Variants in NHLRC2 observed in about 807,000 individuals in gnomAD.
NHLRC2 encodes NHL repeat-containing protein 2.
Under a neutral mutation model 68.1 loss-of-function variants are expected in NHLRC2, and 33 were observed. That is an observed-to-expected ratio of 0.48 (90% CI 0.37 to 0.65). The LOEUF (loss-of-function observed/expected upper bound fraction) is 0.65. Ranked by LOEUF, NHLRC2 falls within the 30% of genes least tolerant of loss-of-function variation. The pLI is 0.00. For synonymous variants in NHLRC2, 311 were observed against 309.6 expected, an observed-to-expected ratio of 1.00 and a Z score of -0.05; for missense variants, 761 against 853.8, an observed-to-expected ratio of 0.89 and a Z score of 1.35.
intron 1 of NHLRC2, among the ~76,000 whole-genome samples, chr10:113,857,185 C>G (rs915321644): frequency 1.3e-5 from 2 of 152,098 alleles, no homozygotes; most frequent in African/African-American, 2.4e-5. Flanking sequence ...TGGTAAGTAT[C>G]TAGCACGGTG....
chr10:113,868,539 A>G (rs912683546), intron 2 of NHLRC2, among the ~76,000 whole-genome samples: 3 of 152,206 alleles, frequency 2.0e-5, no homozygotes, highest in Non-Finnish European at 4.4e-5. Context: ...GATATGGTTT[A>G]TTATACAGAT....
chr10:113,914,666 A>G lies in NHLRC2; in HGVS notation c.*6130A>G, dbSNP rs1191510860. On this transcript the variant is annotated 3_prime_UTR_variant, in exon 11 of 11. Transcript: ENST00000369301. ...ATCCGTAAGGAAATGTGATAATAAG[A>G]AAGTGATAATAGTGTCATATTTTAA... 1 of 224,044 alleles carries G rather than the reference A, an allele frequency of 4.5e-6. No individual in the cohort carries two copies. The highest frequency in any genetic ancestry group is 2.3e-5 in the African/African-American group (1 of 42,740). 13.9% of individuals were successfully genotyped at this position (224,044 alleles called of 1,614,324 possible).
chr10:113,889,483 T>C (rs938503557), intron 5 of NHLRC2, among the ~76,000 whole-genome samples: 1 of 152,212 alleles, frequency 6.6e-6, no homozygotes, highest in Non-Finnish European at 1.5e-5. Context: ...TTTATTTTGT[T>C]AAAATAAGTT....
Position 113,908,542 on chromosome 10 carries a change from C to T in NHLRC2, c.*6C>T. 6.2e-7 allele frequency: 1 copy of T among 1,613,594 alleles called. No homozygotes were observed. The highest frequency in any genetic ancestry group is 8.5e-7 in the Non-Finnish European group (1 of 1,179,728). On this transcript the variant is annotated 3_prime_UTR_variant, in exon 11 of 11. Transcript: ENST00000369301. Reference sequence around the variant, plus strand: ...AGCTCAGGTATGTATTTTAGCCAGCCAGCTAGCTAGCAACCCATTGCCACC... The same window carrying T: ...AGCTCAGGTATGTATTTTAGCCAGCTAGCTAGCTAGCAACCCATTGCCACC...
rs770046904 is a variant in NHLRC2 at position 113,898,128 on chromosome 10, G to T, written c.1058G>T (p.Gly353Val). The change falls in exon 6 of 11, where the codon GGT (glycine) becomes GTT (valine). Residue 353 changes from glycine (G) to valine (V), a missense_variant. Transcript: ENST00000369301. ...FGTSGSEVQR[G>V]DILWIAMAGT... ...TATAAAGGTTCAGAGGTCCAAAGAG[G>T]TGACATTTTATGGATAGCCATGGCA... The T allele has an allele frequency of 5.6e-6, 9 of 1,610,874 alleles. No homozygotes were observed. The highest frequency in any genetic ancestry group is 7.6e-6 in the Non-Finnish European group (9 of 1,177,284).
At chr10:113,898,274 A>G (rs1846193873) in intron 6 of NHLRC2, 65 bp downstream of exon 6, 1 of 1,046,798 alleles carries the variant, frequency 9.6e-7, no homozygotes, top group South Asian at 1.3e-5. Flanking sequence ...TTCTTTTTTC[A>G]AAATCACCAT....
At chr10:113,906,790 C>G (rs1171929909) in intron 10 of NHLRC2, among the ~76,000 whole-genome samples, 2 of 152,170 alleles carry the variant, frequency 1.3e-5, no homozygotes. Flanking sequence ...GAGATCGAGA[C>G]CATCCTGGCT....
chr10:113,857,292 A>T (rs536775814), intron 1 of NHLRC2, among the ~76,000 whole-genome samples: 1 of 152,256 alleles, frequency 6.6e-6, no homozygotes, highest in East Asian at 1.9e-4. Context: ...ATATTTTGCA[A>T]GTAGGATATG....
rs114548153 is a variant in NHLRC2, at chr10:113,888,212, A to G, written c.1039+3832A>G. On this transcript the variant is annotated intron_variant, in intron 5 of 10. Coordinates refer to ENST00000369301, the MANE Select transcript of NHLRC2 (RefSeq NM_198514.4). ...GTTGATCAAAGGGTACAAAGTTTCA[A>G]TTGGAGGAATAAGTTTTAGAGATAA... Among the ~76,000 whole-genome samples, 843 of 152,340 alleles carry G rather than the reference A, an allele frequency of 5.5e-3. 9 individuals carry two copies. The highest frequency in any genetic ancestry group is 0.019 in the African/African-American group (800 of 41,574).
At chr10:113,885,731 A>G (rs1307718720) in intron 5 of NHLRC2, among the ~76,000 whole-genome samples, 1 of 152,044 alleles carries the variant, frequency 6.6e-6, no homozygotes, top group African/African-American at 2.4e-5. Flanking sequence ...TATGTACAAT[A>G]TAATTTCTTT....
In NHLRC2 at chr10:113,916,410, A is replaced by G. The variant is rs1554904439; in HGVS notation, c.*7874A>G. ...TATGGCAGAACAATTTTGTTGTAGTATTTTTTTCCGTAGCATTTCTTAATA... is the reference window on the plus strand; with the variant it reads ...TATGGCAGAACAATTTTGTTGTAGTGTTTTTTTCCGTAGCATTTCTTAATA... On this transcript the variant is annotated 3_prime_UTR_variant, in exon 11 of 11. Coordinates refer to ENST00000369301, the MANE Select transcript of NHLRC2 (RefSeq NM_198514.4). 6.6e-6 allele frequency: 1 copy of G among 152,140 alleles called. No homozygotes were observed. Among genetic ancestry groups the G allele is most frequent in the Non-Finnish European group, 1.5e-5 (1 of 68,018 alleles). The allele number at this position is 152,140 out of a possible 1,614,324, so 9.4% of individuals were successfully genotyped here.
Position 113,902,612 on chromosome 10 carries a change from A to G in NHLRC2, c.1494+19A>G. The G allele has an allele frequency of 4.4e-6, 7 of 1,593,578 alleles. No individual in the cohort carries two copies. Among genetic ancestry groups the G allele is most frequent in the African/African-American group, 1.4e-5 (1 of 73,644 alleles). On this transcript the variant is annotated intron_variant, in intron 8 of 10. Transcript: ENST00000369301. Reference sequence around the variant, plus strand: ...TCACAAGGTGAGTCGTGACAGAATTATATAATATCTTGCTTTTTGTGTGTG... The same window carrying G: ...TCACAAGGTGAGTCGTGACAGAATTGTATAATATCTTGCTTTTTGTGTGTG...
intron 6 of NHLRC2, among the ~76,000 whole-genome samples, chr10:113,900,510 C>T (rs1384279229): frequency 6.6e-6 from 1 of 152,138 alleles, no homozygotes; most frequent in East Asian, 1.9e-4. Flanking sequence ...CCACACTGAC[C>T]TGTGTTTTAA....
intron 5 of NHLRC2, among the ~76,000 whole-genome samples, chr10:113,885,281 C>A (rs961851039): frequency 4.0e-5 from 6 of 151,858 alleles, no homozygotes; most frequent in Non-Finnish European, 8.9e-5. Flanking sequence ...TCTAGTACTA[C>A]CCGCACTTAA....
intron 1 of NHLRC2, among the ~76,000 whole-genome samples, chr10:113,855,476 G>GTT (rs375201644): frequency 5.4e-5 from 8 of 149,284 alleles, no homozygotes; most frequent in African/African-American, 1.7e-4. Flanking sequence ...GTTTTTTTTT[G>GTT]TTTTTTTTTG....
chr10:113,878,990 C>T (rs1846011360), intron 3 of NHLRC2, among the ~76,000 whole-genome samples: 1 of 152,134 alleles, frequency 6.6e-6, no homozygotes, highest in African/African-American at 2.4e-5. Flanking sequence ...TATTCTCCAC[C>T]CTTGAAACTC....
intron 1 of NHLRC2, among the ~76,000 whole-genome samples, chr10:113,857,785 A>G (rs922689864): frequency 1.3e-5 from 2 of 152,156 alleles, no homozygotes; most frequent in African/African-American, 4.8e-5. Flanking sequence ...ATCTGTGACA[A>G]TAATAAGTGT....
chr10:113,876,663 A>C lies in NHLRC2; in HGVS notation c.474A>C (p.Glu158Asp). Residue 158 changes from glutamate (E) to aspartate (D), a missense_variant, in exon 3 of 11, where the codon GAA (glutamate) becomes GAC (aspartate). Physicochemically the swap from Glu to Asp is conservative, Grantham distance 45. Transcript: ENST00000369301. Reference sequence around the variant, plus strand: ...ATGCCAGCCTTTGGCAAGAACTAGAAGTTTCCTGCTGGCCAACTCTAGTCA... The same window carrying C: ...ATGCCAGCCTTTGGCAAGAACTAGACGTTTCCTGCTGGCCAACTCTAGTCA... ...DADASLWQEL[E>D]VSCWPTLVIL... 1 of 1,614,008 alleles carries C rather than the reference A, an allele frequency of 6.2e-7. No individual in the cohort carries two copies. Among genetic ancestry groups the C allele is most frequent in the Non-Finnish European group, 8.5e-7 (1 of 1,179,920 alleles).
chr10:113,902,502 T>A lies in NHLRC2; in HGVS notation c.1403T>A (p.Val468Glu). Residue 468 changes from valine (V) to glutamate (E), a missense_variant, in exon 8 of 11, where the codon GTA (valine) becomes GAA (glutamate). Transcript: ENST00000369301. ...NLFAFGDVDGVGINAKLQHPL... is the reference protein window; with the variant it reads ...NLFAFGDVDGEGINAKLQHPL... Reference sequence around the variant, plus strand: ...TTTGCTTTTGGTGATGTTGATGGAGTAGGAATCAATGCAAAGCTTCAACAC... The same window carrying A: ...TTTGCTTTTGGTGATGTTGATGGAGAAGGAATCAATGCAAAGCTTCAACAC... 6.3e-7 allele frequency: 1 copy of A among 1,598,798 alleles called. No individual in the cohort carries two copies. Among genetic ancestry groups the A allele is most frequent in the South Asian group, 1.1e-5 (1 of 88,950 alleles).
Sources: gnomAD v4.1 joint callset for allele counts (sites outside exome capture counted in the v4.1 genomes callset) on GRCh38, gnomAD v4.1.1 for gene constraint, MANE v1.5 for transcripts, NCBI Gene and HGNC (gene_info 2026-07-23, HGNC 2026-07-21) for gene names.